SNRK: variants seen among roughly 807,000 people sequenced by gnomAD.
SNRK encodes SNF-related serine/threonine-protein kinase.
SNRK carries 3 observed loss-of-function variants against 48.2 expected under a neutral mutation model. The ratio of observed to expected loss-of-function variants is 0.06; its 90% confidence interval spans 0.03 to 0.16. SNRK has a LOEUF of 0.16. Among genes scored for constraint, SNRK ranks in the 10% least tolerant of loss-of-function variants. SNRK has a pLI of 1.00. For missense variants in SNRK, 627 were observed against 976.0 expected (o/e 0.64, Z 4.76); for synonymous variants, 376 against 366.1 (o/e 1.03, Z -0.31).
Position 43,293,915 on chromosome 3 carries a change from T to C in SNRK, c.-168-5839T>C, listed in dbSNP as rs115349136. ...GCCTGTGTGACAGAGTGAGGCTCTG[T>C]CTCAAGAAAAAAAAAAAGATTGGAA... On this transcript the variant is annotated intron_variant, in intron 1 of 6. Transcript: ENST00000296088. Among the ~76,000 whole-genome samples the C allele has an allele frequency of 4.6e-5, 7 of 150,660 alleles. No homozygotes were observed. The South Asian group carries it at 1.2e-3, about 27-fold the overall frequency.
At position 43,343,906 on chromosome 3, in the gene SNRK, C is replaced by T. The variant is rs140845618; in HGVS notation, c.1079+428C>T. Among the ~76,000 whole-genome samples, 288 of 152,182 alleles carry T rather than the reference C, an allele frequency of 1.9e-3. 1 individual carries two copies. The highest frequency in any genetic ancestry group is 6.6e-3 in the African/African-American group (274 of 41,496). On this transcript the variant is annotated intron_variant, in intron 6 of 6. Transcript: ENST00000296088. ...AAAACTAAATAGAGTATTGCTATGC[C>T]ACAGTGTTCTCTCAGGATTTCCGGG... is the stretch of plus-strand genomic sequence containing the variant.
At chr3:43,341,310 C>G (rs1374193461) in intron 5 of SNRK, among the ~76,000 whole-genome samples, 1 of 152,118 alleles carries the variant, frequency 6.6e-6, no homozygotes, top group Non-Finnish European at 1.5e-5. Context: ...GCAACCACGC[C>G]CGGCTAATTT....
chr3:43,315,592 C>A (rs536070126), intron 3 of SNRK, among the ~76,000 whole-genome samples: 2 of 151,688 alleles, frequency 1.3e-5, no homozygotes, highest in African/African-American at 4.8e-5. Flanking sequence ...TCCTGACTAT[C>A]GAGTTTGGGA....
chr3:43,316,927 A>T (rs893701002), intron 3 of SNRK, among the ~76,000 whole-genome samples: 4 of 152,108 alleles, frequency 2.6e-5, no homozygotes, highest in African/African-American at 4.8e-5. Flanking sequence ...ACACCGCCTC[A>T]TTCCAACTCA....
intron 5 of SNRK, among the ~76,000 whole-genome samples, chr3:43,341,279 T>C (rs1458473033): frequency 2.0e-5 from 3 of 152,240 alleles, no homozygotes; most frequent in East Asian, 3.9e-4. Flanking sequence ...GCCTCCCAAG[T>C]AGCTGGGACT....
chr3:43,337,083 A>AT (rs1481314531), intron 4 of SNRK, among the ~76,000 whole-genome samples: 113 of 139,066 alleles, frequency 8.1e-4, no homozygotes, highest in African/African-American at 2.6e-3. Flanking sequence ...TTTTTTTTCT[A>AT]TTTTTTTTGA....
chr3:43,329,980 T>TA lies in SNRK; in HGVS notation c.590-2183dup, dbSNP rs1481908704. Among the ~76,000 whole-genome samples the TA allele has an allele frequency of 2.0e-5, 3 of 152,298 alleles. No homozygotes were observed. The East Asian group carries it at 5.8e-4, about 29-fold the overall frequency. ...TATCCAGTTTGGCATGGACAAGAGGTAAAAAACCAAACTAGTTTATGTACA... is the reference window on the plus strand; with the variant it reads ...TATCCAGTTTGGCATGGACAAGAGGTAAAAAAACCAAACTAGTTTATGTACA... On this transcript the variant is annotated intron_variant, in intron 3 of 6. Transcript: ENST00000296088.
chr3:43,341,545 G>A (rs935166678), intron 5 of SNRK, among the ~76,000 whole-genome samples: 2 of 152,206 alleles, frequency 1.3e-5, no homozygotes, highest in African/African-American at 4.8e-5. Flanking sequence ...TTCTATAAGA[G>A]GTCCTGACTG....
Position 43,340,274 on chromosome 3 carries a change from C to CGTAA in SNRK, c.732-13_732-12insGTAA, listed in dbSNP as rs766529556. 6.2e-7 allele frequency: 1 copy of CGTAA among 1,609,790 alleles called. No homozygotes were observed. The highest frequency in any genetic ancestry group is 1.7e-5 in the Admixed American group (1 of 60,006). On this transcript the variant is annotated splice_polypyrimidine_tract_variant and intron_variant, in intron 4 of 6. Coordinates refer to ENST00000296088, the MANE Select transcript of SNRK (RefSeq NM_017719.5). Reference sequence around the variant, plus strand: ...GCAGTTTGCTTTAACAATGGACTTACCTTCCTTTCCAGCCTAATCACACGG... The same window carrying CGTAA: ...GCAGTTTGCTTTAACAATGGACTTACGTAACTTCCTTTCCAGCCTAATCACACGG...
intron 3 of SNRK, among the ~76,000 whole-genome samples, chr3:43,324,232 GGGCGTGGTGGCTCA>G (rs2091076985): frequency 6.6e-6 from 1 of 152,160 alleles, no homozygotes. Flanking sequence ...GCGTTAGGCC[GGGCGTGGTGGCTCA>G]CGCCTGTAAT....
intron 4 of SNRK, chr3:43,332,910 T>C (rs192926529): frequency 6.6e-6 from 1 of 152,296 alleles, no homozygotes; most frequent in African/African-American, 2.4e-5. Context: ...GTGAGAAATA[T>C]AGTAATGGAA....
intron 4 of SNRK, among the ~76,000 whole-genome samples, chr3:43,336,146 G>A (rs763885591): frequency 2.6e-5 from 4 of 151,102 alleles, no homozygotes; most frequent in Non-Finnish European, 4.4e-5. Flanking sequence ...CCATTCTTTG[G>A]AGTTGATGGA....
chr3:43,316,682 G>A (rs2091015577), intron 3 of SNRK, among the ~76,000 whole-genome samples: 6 of 151,752 alleles, frequency 4.0e-5, no homozygotes. Context: ...TTAGGGATAA[G>A]TGAAAACCAT....
In SNRK at chr3:43,336,770, G is replaced by A. The variant is rs549115362; in HGVS notation, c.732-3517G>A. 1.0e-4 allele frequency among the ~76,000 whole-genome samples: 7 copies of A among 69,112 alleles called. No individual in the cohort carries two copies. The South Asian group carries it at 2.9e-3, about 29-fold the overall frequency. 45.3% of individuals were successfully genotyped at this position (69,112 alleles called of 152,430 possible). A position where few individuals can be genotyped will look rare whatever the true frequency, so the allele number is the denominator to read the frequency against. On this transcript the variant is annotated intron_variant, in intron 4 of 6. Transcript: ENST00000296088. ...GTTTGTTTTGGTTTTGGTTTTTTTC[G>A]AGACGGAGTCTCGCTCTGTTGCCCA...
intron 1 of SNRK, among the ~76,000 whole-genome samples, chr3:43,298,733 G>A (rs753057202): frequency 2.6e-5 from 4 of 152,184 alleles, no homozygotes; most frequent in Non-Finnish European, 4.4e-5. Flanking sequence ...ATTTTCATGG[G>A]AAGACCTGCA....
At position 43,297,352 on chromosome 3, in the gene SNRK, G is replaced by T. The variant is rs796728935; in HGVS notation, c.-168-2402G>T. On this transcript the variant is annotated intron_variant, in intron 1 of 6. Coordinates refer to ENST00000296088, the MANE Select transcript of SNRK (RefSeq NM_017719.5). Reference sequence around the variant, plus strand: ...ATGCATTTTCTAAACTTTCTAAAGTGAAAGTCTTGTATTAACTTTTCCAGC... The same window carrying T: ...ATGCATTTTCTAAACTTTCTAAAGTTAAAGTCTTGTATTAACTTTTCCAGC... 2.0e-5 allele frequency among the ~76,000 whole-genome samples: 3 copies of T among 152,158 alleles called. No homozygotes were observed. The South Asian group carries it at 6.2e-4, about 32-fold the overall frequency.
In SNRK at chr3:43,324,424, G is replaced by A. The variant is rs553427391; in HGVS notation, c.590-7745G>A. 9.2e-5 allele frequency among the ~76,000 whole-genome samples: 14 copies of A among 151,654 alleles called. No homozygotes were observed. The East Asian group carries it at 2.5e-3, about 27-fold the overall frequency. On this transcript the variant is annotated intron_variant, in intron 3 of 6. Transcript: ENST00000296088. The stretch of plus-strand genomic sequence containing the variant: ...CTCCGGAGGCTGAGGCAGAAGAATC[G>A]CTTGAACCTGGGATGTGGAGGTTGC...
At chr3:43,321,447 A>C (rs2091052795) in intron 3 of SNRK, among the ~76,000 whole-genome samples, 1 of 152,186 alleles carries the variant, frequency 6.6e-6, no homozygotes, top group African/African-American at 2.4e-5. Context: ...GAGGCAAGCA[A>C]ATAAAGACTC....
chr3:43,298,751 C>T (rs918481565), intron 1 of SNRK, among the ~76,000 whole-genome samples: 1 of 152,194 alleles, frequency 6.6e-6, no homozygotes, highest in South Asian at 2.1e-4. Context: ...GCAAGGCTAC[C>T]TTGGTCAGTA....
Sources: allele counts gnomAD v4.1 joint callset (sites outside exome capture counted in the v4.1 genomes callset), GRCh38; gene constraint gnomAD v4.1.1; transcripts MANE v1.5; gene names NCBI Gene and HGNC (gene_info 2026-07-23, HGNC 2026-07-21).